The following ZFR variants were observed in gnomAD, a reference collection of about 807,000 sequenced individuals.
ZFR encodes zinc finger RNA-binding protein.
ZFR carries 19 observed loss-of-function variants against 130.7 expected under a neutral mutation model. The observed-to-expected ratio is 0.15, with a 90% confidence interval of 0.10 to 0.21. The LOEUF (loss-of-function observed/expected upper bound fraction) is 0.21. Ranked by LOEUF, ZFR falls within the 10% of genes least tolerant of loss-of-function variation. ZFR has a pLI of 1.00. For missense variants in ZFR, 872 were observed against 1,321.5 expected, an observed-to-expected ratio of 0.66 and a Z score of 5.27; for synonymous variants, 466 against 456.9, an observed-to-expected ratio of 1.02 and a Z score of -0.25.
intron 19 of ZFR, among the ~76,000 whole-genome samples, chr5:32,360,860 C>T (rs1370952958): frequency 6.6e-6 from 1 of 151,946 alleles, no homozygotes; most frequent in Non-Finnish European, 1.5e-5. Context: ...GCAAACTGTT[C>T]GGATTACAGG....
rs1257722252 is a variant in ZFR at position 32,428,395 on chromosome 5, CAG to C, written c.138-8294_138-8293del. 6.6e-5 allele frequency among the ~76,000 whole-genome samples: 10 copies of C among 152,202 alleles called. No homozygotes were observed. In the South Asian group the frequency reaches 8.3e-4, roughly 13 times the overall value. The stretch of plus-strand genomic sequence containing the variant: ...TGCCACTGCACTCCAGCCTGGACAA[CAG>C]AGAGAGTCTGTCTCAAAAAAAAAGA... On this transcript the variant is annotated intron_variant, in intron 2 of 19. Coordinates refer to ENST00000265069, the MANE Select transcript of ZFR (RefSeq NM_016107.5).
chr5:32,417,240 C>T (rs1252104160), intron 4 of ZFR, among the ~76,000 whole-genome samples: 2 of 151,980 alleles, frequency 1.3e-5, no homozygotes, highest in Non-Finnish European at 2.9e-5. Context: ...TGGCTGATAA[C>T]AGAACCAACT....
intron 15 of ZFR, among the ~76,000 whole-genome samples, chr5:32,384,689 T>C (rs537344296): frequency 2.0e-5 from 3 of 152,264 alleles, no homozygotes; most frequent in East Asian, 1.9e-4. Context: ...ATCTGACCCA[T>C]AAAACAACAG....
In ZFR at chr5:32,419,348, T is replaced by C. The variant is rs116117625; in HGVS notation, c.420+473A>G. On this transcript the variant is annotated intron_variant, in intron 3 of 19. Coordinates refer to ENST00000265069, the MANE Select transcript of ZFR (RefSeq NM_016107.5). ...CAAAGCTCATTGCAAGGAATTTTTT[T>C]TTTTCTTGAGACAGGGTCTCGCTCT... Among the ~76,000 whole-genome samples, 517 of 152,296 alleles carry C rather than the reference T, an allele frequency of 3.4e-3. 3 individuals carry two copies. Among genetic ancestry groups the C allele is most frequent in the African/African-American group, 0.01 (433 of 41,574 alleles).
At chr5:32,380,693 C>G in intron 15 of ZFR, among the ~76,000 whole-genome samples, 1 of 139,474 alleles carries the variant, frequency 7.2e-6, no homozygotes, top group East Asian at 2.2e-4. Flanking sequence ...GTCACTCTGT[C>G]CCCCAGGCTG....
In ZFR at chr5:32,363,982, T is replaced by A; in HGVS notation, c.3011A>T (p.Asp1004Val). The A allele has an allele frequency of 6.2e-7, 1 of 1,614,088 alleles. No individual in the cohort carries two copies. Among genetic ancestry groups the A allele is most frequent in the Non-Finnish European group, 8.5e-7 (1 of 1,180,000 alleles). The change falls in exon 19 of 20, where the codon GAC becomes GTC. Residue 1004 changes from aspartate (D) to valine (V), a missense_variant. By Grantham distance (152) the Asp-to-Val change is radical (BLOSUM62 -3). Transcript: ENST00000265069. The stretch of plus-strand genomic sequence containing the variant: ...GGATGTGATGTCTTCACGCTGCTGG[T>A]CAGTCATTGTTGCCAAGGTATCAAA... ...DPFDTLATMT[D>V]QQREDITSSA...
chr5:32,374,610 C>T (rs1229275797), intron 17 of ZFR, among the ~76,000 whole-genome samples: 3 of 151,926 alleles, frequency 2.0e-5, no homozygotes, highest in African/African-American at 7.3e-5. Flanking sequence ...ATTCCAAACA[C>T]CTAAATACTG....
chr5:32,433,691 C>CT (rs1754270769), intron 2 of ZFR, among the ~76,000 whole-genome samples: 2 of 152,202 alleles, frequency 1.3e-5, no homozygotes, highest in African/African-American at 4.8e-5. Flanking sequence ...ACACCAACTA[C>CT]TTTTTTCCAA....
Position 32,436,445 on chromosome 5 carries a change from C to G in ZFR, c.137+7784G>C, listed in dbSNP as rs190175767. On this transcript the variant is annotated intron_variant, in intron 2 of 19. Transcript: ENST00000265069. ...GTAATACAGGCGTGAGCCACCGTGC[C>G]TGGCCCCATAGTTGTATTCTTTATT... 4.3e-4 allele frequency among the ~76,000 whole-genome samples: 65 copies of G among 152,210 alleles called. 1 individual carries two copies. The highest frequency in any genetic ancestry group is 1.5e-3 in the African/African-American group (63 of 41,550).
intron 2 of ZFR, 28 bp from the exon 3 acceptor site, chr5:32,420,131 T>C (rs1753918308): frequency 3.4e-6 from 5 of 1,455,706 alleles, no homozygotes; most frequent in African/African-American, 1.4e-5. Context: ...AGAATAAATA[T>C]AATACAATTT....
At chr5:32,428,690 CT>C (rs1014333510) in intron 2 of ZFR, among the ~76,000 whole-genome samples, 21 of 152,198 alleles carry the variant, frequency 1.4e-4, no homozygotes, top group Non-Finnish European at 2.5e-4. Flanking sequence ...GCCTACCACA[CT>C]TTGAGTAGTA....
At chr5:32,356,134 ATT>A (rs1019565126) in intron 19 of ZFR, among the ~76,000 whole-genome samples, 195 bp from the exon 20 acceptor site, 3 of 152,054 alleles carry the variant, frequency 2.0e-5, no homozygotes, top group African/African-American at 7.2e-5. Flanking sequence ...TGTGCATGCC[ATT>A]TTGTTATCTT....
Position 32,395,176 on chromosome 5 carries a change from A to T in ZFR, c.1962T>A (p.Arg654=). 1 of 1,601,916 alleles carries T rather than the reference A, an allele frequency of 6.2e-7. No individual in the cohort carries two copies. Among genetic ancestry groups the T allele is most frequent in the Non-Finnish European group, 8.5e-7 (1 of 1,175,076 alleles). ...EYWRRREEEE[R]WRMEMRRYEE... The stretch of plus-strand genomic sequence containing the variant: ...GATATTACCTCATTTCCATTCTCCA[A>T]CGCTCCTCTTCTTCTCGTCTTCGCC... The change falls in exon 11 of 20, where the codon CGT becomes CGA. Residue 654 remains arginine (R), a synonymous_variant. Coordinates refer to ENST00000265069, the MANE Select transcript of ZFR (RefSeq NM_016107.5).
chr5:32,356,610 G>A (rs1047751707), intron 19 of ZFR, among the ~76,000 whole-genome samples: 8 of 151,680 alleles, frequency 5.3e-5, no homozygotes, highest in South Asian at 2.1e-4. Context: ...TAGTAGAGAC[G>A]GGGTTTCACT....
At chr5:32,370,327 GAGAGAGAGAGAGAGAGAGAGAGAGAGAC>G (rs778772083) in intron 17 of ZFR, among the ~76,000 whole-genome samples, 672 of 31,846 alleles carry the variant, frequency 0.021, 9 homozygotes, top group African/African-American at 0.11. Context: ...GAGAGAGAGA[GAGAGAGAGAGAGAGAGAGAGAGAGAGAC>G]AGACAGACAG....
chr5:32,433,923 A>C (rs951192508), intron 2 of ZFR, among the ~76,000 whole-genome samples: 24 of 152,206 alleles, frequency 1.6e-4, no homozygotes, highest in African/African-American at 5.3e-4. Flanking sequence ...CTCTACAAAA[A>C]TAAGCTGGGC....
intron 8 of ZFR, among the ~76,000 whole-genome samples, 185 bp from the exon 9 acceptor site, chr5:32,400,388 G>A (rs1036961946): frequency 1.3e-5 from 2 of 152,004 alleles, no homozygotes; most frequent in Non-Finnish European, 2.9e-5. Context: ...AGTGAAATAC[G>A]TTTCTGAATT....
In ZFR at chr5:32,399,441, A is replaced by T. The variant is rs139211309; in HGVS notation, c.1713+566T>A. Among the ~76,000 whole-genome samples, 1,210 of 152,326 alleles carry T rather than the reference A, an allele frequency of 7.9e-3. 10 individuals are homozygous for T. The highest frequency in any genetic ancestry group is 0.02 in the Middle Eastern group (6 of 294). ...AAAAAACATATATGCTCTAAAGTCA[A>T]AGTAAATAGTAGTCATATGCCACTG... is the stretch of plus-strand genomic sequence containing the variant. On this transcript the variant is annotated intron_variant, in intron 9 of 19. Coordinates refer to ENST00000265069, the MANE Select transcript of ZFR (RefSeq NM_016107.5).
intron 5 of ZFR, among the ~76,000 whole-genome samples, chr5:32,413,162 C>T (rs1019643396): frequency 1.3e-5 from 2 of 150,856 alleles, no homozygotes; most frequent in South Asian, 4.2e-4. Flanking sequence ...GCACTCCAGC[C>T]GAGGCGACAG....
Sources: gnomAD v4.1 joint callset for allele counts (sites outside exome capture counted in the v4.1 genomes callset) on GRCh38, gnomAD v4.1.1 for gene constraint, MANE v1.5 for transcripts, NCBI Gene and HGNC (gene_info 2026-07-23, HGNC 2026-07-21) for gene names.